TSPAN4: variants seen among roughly 807,000 people sequenced by gnomAD.
TSPAN4 encodes tetraspanin 4.
A neutral mutation model predicts 31.5 loss-of-function variants in TSPAN4; 38 were observed. That is an observed-to-expected ratio of 1.21 (90% CI 0.93 to 1.58). The LOEUF is 1.58. Ranked by LOEUF, TSPAN4 falls within the 40% of genes most tolerant of loss-of-function variation. TSPAN4 has a pLI of 0.00. For synonymous variants in TSPAN4, 186 were observed against 144.6 expected (o/e 1.29, Z -2.06); for missense variants, 330 against 317.3 (o/e 1.04, Z -0.30).
chr11:852,374 G>T (rs1411723301), intron 3 of TSPAN4, among the ~76,000 whole-genome samples: 1 of 151,990 alleles, frequency 6.6e-6, no homozygotes, highest in African/African-American at 2.4e-5. Context: ...CGCCTGCCTC[G>T]ACCTCCCAAA....
intron 3 of TSPAN4, among the ~76,000 whole-genome samples, chr11:860,190 T>A (rs563584825): frequency 4.5e-4 from 69 of 152,314 alleles, no homozygotes; most frequent in Admixed American, 3.4e-3. Context: ...CTCCCCAGGA[T>A]GGCCTGAGCG....
At chr11:852,360 G>C (rs1168017219) in intron 3 of TSPAN4, among the ~76,000 whole-genome samples, 2 of 152,152 alleles carry the variant, frequency 1.3e-5, no homozygotes, top group African/African-American at 4.8e-5. Flanking sequence ...CTGACCTCGT[G>C]ATCCGCCTGC....
chr11:865,206 C>G (rs1211264042), intron 5 of TSPAN4: 1 of 374,752 alleles, frequency 2.7e-6, no homozygotes, highest in Non-Finnish European at 4.9e-6. Flanking sequence ...TAGCCCCTGG[C>G]TTTCAGCTCA....
chr11:850,148 G>A (rs1300952595), intron 2 of TSPAN4, 140 bp from the exon 3 acceptor site: 2 of 624,898 alleles, frequency 3.2e-6, no homozygotes, highest in Non-Finnish European at 5.4e-6. Context: ...ACGGGCGCGC[G>A]GGCGGCGGGG....
intron 1 of TSPAN4, among the ~76,000 whole-genome samples, chr11:846,739 G>A (rs998804080): frequency 1.2e-5 from 1 of 80,144 alleles, no homozygotes; most frequent in African/African-American, 3.1e-5. Flanking sequence ...AAGGCAGGGT[G>A]GGGTAGGGGT....
intron 3 of TSPAN4, among the ~76,000 whole-genome samples, chr11:854,980 G>A (rs768937310): frequency 6.6e-6 from 1 of 152,256 alleles, no homozygotes; most frequent in African/African-American, 2.4e-5. Context: ...GGCAACCACA[G>A]CGTGTCTGAG....
intron 3 of TSPAN4, among the ~76,000 whole-genome samples, chr11:861,227 G>A (rs1462972564): frequency 1.3e-5 from 2 of 152,212 alleles, no homozygotes; most frequent in African/African-American, 2.4e-5. Flanking sequence ...GAGCTCTGGC[G>A]GTTACAGACA....
At chr11:850,179 G>A in intron 2 of TSPAN4, 109 bp from the exon 3 acceptor site, 4 of 898,666 alleles carry the variant, frequency 4.5e-6, no homozygotes, top group Non-Finnish European at 6.6e-6. Flanking sequence ...CTCCTTCTTC[G>A]GCCTGCACGC....
chr11:852,381 C>T (rs1407095829), intron 3 of TSPAN4, among the ~76,000 whole-genome samples: 1 of 152,198 alleles, frequency 6.6e-6, no homozygotes, highest in African/African-American at 2.4e-5. Context: ...CTCGACCTCC[C>T]AAAGTGCTGG....
chr11:864,207 G>A, intron 4 of TSPAN4: 1 of 599,874 alleles, frequency 1.7e-6, no homozygotes, highest in Non-Finnish European at 3.0e-6. Flanking sequence ...GGCCAGCCCA[G>A]GGCCCCACAC....
chr11:856,832 A>C (rs1848070802), intron 3 of TSPAN4: 2 of 152,252 alleles, frequency 1.3e-5, no homozygotes, highest in Admixed American at 6.5e-5. Flanking sequence ...TTGAGGCTAT[A>C]ATTTTCCTGC....
chr11:864,592 T>A, intron 5 of TSPAN4, 81 bp downstream of exon 5: 1 of 1,550,810 alleles, frequency 6.4e-7, no homozygotes. Flanking sequence ...GGGCCCGGTG[T>A]GGACAGAGTG....
At position 864,468 on chromosome 11, in the gene TSPAN4, T is replaced by C. The variant is rs1376222519; in HGVS notation, c.287T>C (p.Leu96Pro). The C allele has an allele frequency of 6.2e-6, 10 of 1,612,896 alleles. No individual in the cohort carries two copies. Among genetic ancestry groups the C allele is most frequent in the South Asian group, 2.2e-5 (2 of 91,088 alleles). ...CTGCTGCTGCTGCTGGTGTTCCTGCTGGAGGCCACCATCGCCATCCTCTTC... is the reference window on the plus strand; with the variant it reads ...CTGCTGCTGCTGCTGGTGTTCCTGCCGGAGGCCACCATCGCCATCCTCTTC... ...FFLLLLLVFL[L>P]EATIAILFFA... Residue 96 changes from leucine (L) to proline (P), a missense_variant, in exon 5 of 9, where the codon CTG becomes CCG. Coordinates refer to ENST00000397397, the MANE Select transcript of TSPAN4 (RefSeq NM_003271.5).
At chr11:855,486 T>C (rs574867679) in intron 3 of TSPAN4, among the ~76,000 whole-genome samples, 2 of 152,172 alleles carry the variant, frequency 1.3e-5, no homozygotes, top group Non-Finnish European at 2.9e-5. Context: ...GGAGCCAGCA[T>C]TGGCACCCTG....
chr11:862,394 C>A, intron 3 of TSPAN4, 156 bp from the exon 4 acceptor site: 2 of 657,206 alleles, frequency 3.0e-6, no homozygotes, highest in Non-Finnish European at 5.0e-6. Flanking sequence ...TGGACACCCC[C>A]CCGGGCTGCC....
chr11:850,310 G>T lies in TSPAN4; in HGVS notation c.6G>T (p.Ala2=). ...TAGAACTGAAGCGCTGCGGCATGGC[G>T]CGCGCCTGCCTCCAGGCCGTCAAGT... The part of the protein sequence containing the change: M[A]RACLQAVKYL... Residue 2 remains alanine, a synonymous_variant, in exon 3 of 9, where the codon GCG becomes GCT. Coordinates refer to ENST00000397397, the MANE Select transcript of TSPAN4 (RefSeq NM_003271.5). The T allele has an allele frequency of 6.2e-7, 1 of 1,606,530 alleles. No homozygotes were observed.
rs779472947 is a variant in TSPAN4, at chr11:846,477, C to T, written c.-117-724C>T. Reference sequence around the variant, plus strand: ...GGCTACTGGAAGGACAGTTACCTCACTCCAGAGAGCTAGTTCTGAGGGGCG... The same window carrying T: ...GGCTACTGGAAGGACAGTTACCTCATTCCAGAGAGCTAGTTCTGAGGGGCG... On this transcript the variant is annotated intron_variant, in intron 1 of 8. Transcript: ENST00000397397. 3.4e-4 allele frequency among the ~76,000 whole-genome samples: 52 copies of T among 152,322 alleles called. 1 individual carries two copies. Among genetic ancestry groups the T allele is most frequent in the Middle Eastern group, 3.4e-3 (1 of 294 alleles).
In TSPAN4 at chr11:864,421, C is replaced by G. The variant is rs1441353475; in HGVS notation, c.256-16C>G. 1 of 1,611,284 alleles carries G rather than the reference C, an allele frequency of 6.2e-7. No individual in the cohort carries two copies. Among genetic ancestry groups the G allele is most frequent in the African/African-American group, 1.3e-5 (1 of 74,920 alleles). ...GCGGCCTTTCGGGTCCCTGTCTGAG[C>G]CTGCCCCCTCCACAGTTCTTCCTGC... On this transcript the variant is annotated splice_polypyrimidine_tract_variant and intron_variant, in intron 4 of 8. Coordinates refer to ENST00000397397, the MANE Select transcript of TSPAN4 (RefSeq NM_003271.5).
At chr11:847,505 C>T (rs775788832) in intron 2 of TSPAN4, among the ~76,000 whole-genome samples, 10 of 152,234 alleles carry the variant, frequency 6.6e-5, no homozygotes, top group Middle Eastern at 3.4e-3. Flanking sequence ...GGACCCTCCC[C>T]GACTGAGCTC....
Sources: allele counts gnomAD v4.1 joint callset (sites outside exome capture counted in the v4.1 genomes callset), GRCh38; gene constraint gnomAD v4.1.1; transcripts MANE v1.5; gene names NCBI Gene and HGNC (gene_info 2026-07-23, HGNC 2026-07-21).